Variants in RBBP8 observed in about 807,000 individuals in gnomAD.
RBBP8 encodes RB binding protein 8, endonuclease, also known as DNA endonuclease RBBP8.
Under a neutral mutation model 108.3 loss-of-function variants are expected in RBBP8, and 88 were observed. The observed-to-expected ratio is 0.81, with a 90% confidence interval of 0.68 to 0.97. The LOEUF (loss-of-function observed/expected upper bound fraction) is 0.97. RBBP8 is among the 50% of genes least tolerant of loss of function. RBBP8 has a pLI of 0.00. For missense variants in RBBP8, 1,023 were observed against 1,049.0 expected (o/e 0.98, Z 0.34); for synonymous variants, 332 against 348.2 (o/e 0.95, Z 0.52).
At chr18:22,955,354 CTT>C (rs1316678235) in intron 4 of RBBP8, among the ~76,000 whole-genome samples, 3 of 152,262 alleles carry the variant, frequency 2.0e-5, no homozygotes, top group South Asian at 2.1e-4. Context: ...AGATTTATCT[CTT>C]GTTTCATGAA....
At chr18:22,943,523 A>G (rs1312845544) in intron 2 of RBBP8, among the ~76,000 whole-genome samples, 2 of 152,138 alleles carry the variant, frequency 1.3e-5, no homozygotes, top group African/African-American at 2.4e-5. Context: ...AATAAAATCC[A>G]CAAAAATTAA....
chr18:22,990,826 T>C lies in RBBP8; in HGVS notation c.808-111T>C, dbSNP rs985993557. 16 of 748,624 alleles carry C rather than the reference T, an allele frequency of 2.1e-5. No individual in the cohort carries two copies. In the African/African-American group the frequency reaches 2.5e-4, roughly 11 times the overall value. 46.4% of individuals were successfully genotyped at this position (748,624 alleles called of 1,614,324 possible). A position where few individuals can be genotyped will look rare whatever the true frequency, so the allele number is the denominator to read the frequency against. On this transcript the variant is annotated intron_variant, in intron 9 of 18. Coordinates refer to ENST00000327155, the MANE Select transcript of RBBP8 (RefSeq NM_002894.3). ...CATTATGTGGCCTTTGTCTGGCTTC[T>C]TAGTATATTTTTGAGGTTCATCTAC...
chr18:22,944,197 A>T (rs1911347844), intron 2 of RBBP8, among the ~76,000 whole-genome samples: 2 of 152,238 alleles, frequency 1.3e-5, no homozygotes, highest in Non-Finnish European at 2.9e-5. Context: ...AAACACACAC[A>T]CATATACACA....
chr18:22,988,375 G>A (rs961293803), intron 8 of RBBP8, among the ~76,000 whole-genome samples: 1 of 152,076 alleles, frequency 6.6e-6, no homozygotes, highest in Non-Finnish European at 1.5e-5. Flanking sequence ...CCCATCTTCT[G>A]TAGTTTGACT....
chr18:22,934,437 C>T (rs1220674115), intron 1 of RBBP8, among the ~76,000 whole-genome samples: 2 of 151,978 alleles, frequency 1.3e-5, no homozygotes, highest in South Asian at 2.1e-4. Flanking sequence ...AGTAATTAAA[C>T]CTTCATTTTA....
At chr18:22,962,577 G>C (rs556847639) in intron 4 of RBBP8, among the ~76,000 whole-genome samples, 1 of 151,240 alleles carries the variant, frequency 6.6e-6, no homozygotes, top group East Asian at 1.9e-4. Context: ...TTTTGAGACA[G>C]AGTCTCACTC....
chr18:22,991,897 A>G (rs926672510), intron 10 of RBBP8, among the ~76,000 whole-genome samples: 5 of 152,330 alleles, frequency 3.3e-5, no homozygotes, highest in Non-Finnish European at 7.3e-5. Context: ...ACAGTCTGTC[A>G]TCTTAGTAAC....
At chr18:22,965,053 G>A (rs189344470) in intron 4 of RBBP8, among the ~76,000 whole-genome samples, 1 of 152,140 alleles carries the variant, frequency 6.6e-6, no homozygotes, top group East Asian at 1.9e-4. Context: ...TACATCATTT[G>A]ACTTAAAGTC....
At chr18:22,940,000 G>C (rs1910932287) in intron 2 of RBBP8, among the ~76,000 whole-genome samples, 1 of 150,942 alleles carries the variant, frequency 6.6e-6, no homozygotes, top group African/African-American at 2.5e-5. Flanking sequence ...AAGGAACTCT[G>C]GATAGTTAGG....
chr18:23,010,811 T>G (rs1333245658), intron 16 of RBBP8, among the ~76,000 whole-genome samples: 2 of 152,126 alleles, frequency 1.3e-5, no homozygotes, highest in East Asian at 3.8e-4. Flanking sequence ...ACTGCAAACC[T>G]GGGAAGATGG....
chr18:22,970,590 G>T (rs1017477789), intron 5 of RBBP8, among the ~76,000 whole-genome samples: 2 of 152,112 alleles, frequency 1.3e-5, no homozygotes, highest in African/African-American at 4.8e-5. Flanking sequence ...TATTCAATCT[G>T]GTGGGTGAAG....
chr18:22,990,444 GT>G (rs1915602995), intron 9 of RBBP8, among the ~76,000 whole-genome samples: 1 of 152,098 alleles, frequency 6.6e-6, no homozygotes, highest in Non-Finnish European at 1.5e-5. Context: ...TGGAATTGGA[GT>G]TTTATATACA....
rs1436148848 is a variant in RBBP8, at chr18:22,990,958, C to A, written c.829C>A (p.Pro277Thr). 6.2e-7 allele frequency: 1 copy of A among 1,613,350 alleles called. No individual in the cohort carries two copies. Among genetic ancestry groups the A allele is most frequent in the Non-Finnish European group, 8.5e-7 (1 of 1,179,568 alleles). The change falls in exon 10 of 19, where the codon CCC becomes ACC. Residue 277 changes from proline (P) to threonine (T), a missense_variant. Pro to Thr is a conservative substitution (Grantham distance 38). Coordinates refer to ENST00000327155, the MANE Select transcript of RBBP8 (RefSeq NM_002894.3). Reference sequence around the variant, plus strand: ...GAAGGAAACTCAAGGTCCCATGAGCCCCCTTGGTGATGAGCTCTACCACTG... The same window carrying A: ...GAAGGAAACTCAAGGTCCCATGAGCACCCTTGGTGATGAGCTCTACCACTG... ...EESETQGPMS[P>T]LGDELYHCLE...
At chr18:22,948,044 A>C (rs1299365722) in intron 3 of RBBP8, among the ~76,000 whole-genome samples, 2 of 152,010 alleles carry the variant, frequency 1.3e-5, no homozygotes, top group African/African-American at 4.8e-5. Flanking sequence ...TTTGCTATTA[A>C]CTTTTCACTC....
rs1485893561 is a variant in RBBP8, at chr18:22,995,836, ATGC to A, written c.1940-533_1940-531del. On this transcript the variant is annotated intron_variant, in intron 12 of 18. Transcript: ENST00000327155. ...TGTCACTTTTTTGCTATTATGAACA[ATGC>A]TGCTATGAACATTTGTATACAGGTT... Among the ~76,000 whole-genome samples, 6 of 152,318 alleles carry A rather than the reference ATGC, an allele frequency of 3.9e-5. No individual in the cohort carries two copies. In the East Asian group the frequency reaches 9.6e-4, roughly 24 times the overall value.
chr18:22,916,597 T>C (rs1293449475), intron 2 of RBBP8, among the ~76,000 whole-genome samples: 1 of 152,128 alleles, frequency 6.6e-6, no homozygotes, highest in Non-Finnish European at 1.5e-5. Flanking sequence ...AAAAAATCAT[T>C]TGTTTTTATA....
intron 4 of RBBP8, among the ~76,000 whole-genome samples, chr18:22,958,123 G>A (rs191329146): frequency 1.9e-4 from 29 of 152,168 alleles, no homozygotes; most frequent in Admixed American, 1.7e-3. Flanking sequence ...GAACCTTTAC[G>A]ATATAAATAT....
chr18:23,014,001 A>T (rs537232141), intron 16 of RBBP8, among the ~76,000 whole-genome samples: 4 of 151,998 alleles, frequency 2.6e-5, no homozygotes, highest in East Asian at 1.9e-4. Context: ...TGAATTTTTT[A>T]TTTATTTATT....
Position 22,950,268 on chromosome 18 carries a change from A to G in RBBP8, c.248+555A>G, listed in dbSNP as rs922032471. Among the ~76,000 whole-genome samples, 3 of 152,198 alleles carry G rather than the reference A, an allele frequency of 2.0e-5. No individual in the cohort carries two copies. In the South Asian group the frequency reaches 6.2e-4, roughly 31 times the overall value. On this transcript the variant is annotated intron_variant, in intron 4 of 18. Transcript: ENST00000327155. The stretch of plus-strand genomic sequence containing the variant: ...GAATTGTAAGTGCTATTTAGGACCT[A>G]TAAACTACCTACCTGCTATAGTAAA...
Sources: gnomAD v4.1 joint callset for allele counts (sites outside exome capture counted in the v4.1 genomes callset) on GRCh38, gnomAD v4.1.1 for gene constraint, MANE v1.5 for transcripts, NCBI Gene and HGNC (gene_info 2026-07-23, HGNC 2026-07-21) for gene names.